THAP3: variants seen among roughly 807,000 people sequenced by gnomAD.
THAP3 encodes THAP domain containing 3, also known as THAP domain-containing protein 3.
In THAP3, 12 loss-of-function variants were observed where a neutral mutation model predicts 17.7. The ratio of observed to expected loss-of-function variants is 0.68; its 90% CI spans 0.43 to 1.10. THAP3 has a LOEUF of 1.10. THAP3 is among the 50% of genes least tolerant of loss of function. The probability of loss-of-function intolerance (pLI) is 0.00; values close to 1 mark genes in which losing one functional copy is unlikely to be tolerated. For synonymous variants in THAP3, 133 were observed against 126.9 expected, an observed-to-expected ratio of 1.05 and a Z score of -0.32; for missense variants, 289 against 318.0, an observed-to-expected ratio of 0.91 and a Z score of 0.69.
chr1:6,632,586 T>C (rs776433941), intron 5 of THAP3, 91 bp downstream of exon 5: 17 of 1,565,442 alleles, frequency 1.1e-5, no homozygotes, highest in Middle Eastern at 1.8e-4. Flanking sequence ...CCATGAGACC[T>C]GTGTGGCCGA....
intron 2 of THAP3, among the ~76,000 whole-genome samples, chr1:6,625,716 C>T (rs534473149): frequency 6.6e-6 from 1 of 150,516 alleles, no homozygotes; most frequent in East Asian, 2.0e-4. Context: ...CGGGAGGACG[C>T]TGGAGACTTT....
intron 3 of THAP3, among the ~76,000 whole-genome samples, chr1:6,630,064 T>G (rs560197371): frequency 2.0e-5 from 3 of 152,176 alleles, no homozygotes; most frequent in Non-Finnish European, 4.4e-5. Context: ...AGGGACCTAT[T>G]CAGGGCACTC....
intron 2 of THAP3, 122 bp downstream of exon 2, chr1:6,625,414 C>A: frequency 1.1e-6 from 1 of 903,490 alleles, no homozygotes; most frequent in Non-Finnish European, 1.5e-6. Context: ...CGGGGACAGG[C>A]CGAGGTCCTG....
rs760344159 is a variant in THAP3 at position 6,633,117 on chromosome 1, G to C, written c.*40G>C. 3.2e-6 allele frequency: 5 copies of C among 1,558,794 alleles called. No homozygotes were observed. Among genetic ancestry groups the C allele is most frequent in the Non-Finnish European group, 4.3e-6 (5 of 1,153,026 alleles). On this transcript the variant is annotated 3_prime_UTR_variant, in exon 6 of 6. Coordinates refer to ENST00000054650, the MANE Select transcript of THAP3 (RefSeq NM_001195753.2). ...GGACGCAGAGGTGGCAGTGGCACCA[G>C]GGCCGGCAGAGCTTTGGAGCTCTGG...
downstream of THAP3, chr1:6,634,942 C>G (rs1464441647): frequency 4.6e-6 from 5 of 1,086,968 alleles, no homozygotes; most frequent in Admixed American, 3.7e-5. Context: ...CAGGCCAGCT[C>G]AAGCCCGCTG....
downstream of THAP3, chr1:6,633,581 CATT>C (rs930218764): frequency 2.6e-5 from 28 of 1,063,916 alleles, no homozygotes; most frequent in Admixed American, 3.5e-4. Context: ...CTCCCATCAT[CATT>C]TTCTCTAGTG....
chr1:6,634,171 G>C (rs1641707116), downstream of THAP3: 6 of 1,321,240 alleles, frequency 4.5e-6, no homozygotes, highest in Non-Finnish European at 6.4e-6. Flanking sequence ...GCCAGCCTCT[G>C]CTTTCAGGAA....
At chr1:6,628,241 A>G in intron 2 of THAP3, 1 of 451,498 alleles carries the variant, frequency 2.2e-6, no homozygotes, top group East Asian at 4.2e-5. Context: ...GGCTCCTGGT[A>G]GGCTCCTGGC....
At chr1:6,632,673 G>C in intron 5 of THAP3, 123 bp from the exon 6 acceptor site, 1 of 1,452,298 alleles carries the variant, frequency 6.9e-7, no homozygotes. Flanking sequence ...TGGATTTTGG[G>C]GGAGCAGCCC....
rs1641427982 is a variant in THAP3 at position 6,625,191 on chromosome 1, T to G, written c.-28T>G. ...CAGGCCCCGCCGCCGCCGCCATCTT[T>G]GTTGGGGGCAGCCAGGCCTGGCTCG... On this transcript the variant is annotated 5_prime_UTR_variant, in exon 2 of 6. Transcript: ENST00000054650. 2.0e-6 allele frequency: 3 copies of G among 1,534,330 alleles called. No individual in the cohort carries two copies. The highest frequency in any genetic ancestry group is 1.2e-5 in the South Asian group (1 of 83,266).
intron 5 of THAP3, 126 bp from the exon 6 acceptor site, chr1:6,632,670 T>C: frequency 6.9e-7 from 1 of 1,449,600 alleles, no homozygotes; most frequent in African/African-American, 1.4e-5. Flanking sequence ...ATCTGGATTT[T>C]GGGGGAGCAG....
chr1:6,634,991 C>G (rs1053531443), downstream of THAP3: 2 of 678,566 alleles, frequency 2.9e-6, no homozygotes, highest in South Asian at 4.4e-5. Context: ...GGGAAGCCAC[C>G]TGTGTCAGGG....
intron 2 of THAP3, 26 bp from the exon 3 acceptor site, chr1:6,628,473 C>T (rs753120848): frequency 4.8e-5 from 76 of 1,586,066 alleles, no homozygotes; most frequent in Middle Eastern, 3.8e-4. Flanking sequence ...CTTGCTGGGC[C>T]TCACACCCCG....
At chr1:6,625,010 C>A (rs1641419656) in intron 1 of THAP3, 56 bp downstream of exon 1, 2 of 558,840 alleles carry the variant, frequency 3.6e-6, no homozygotes, top group Non-Finnish European at 6.2e-6. Context: ...TGAATTGGGG[C>A]CCGGAGCACC....
intron 4 of THAP3, among the ~76,000 whole-genome samples, chr1:6,631,297 G>A: frequency 6.6e-6 from 1 of 151,896 alleles, no homozygotes; most frequent in South Asian, 2.1e-4. Flanking sequence ...AATTATAGGC[G>A]GGAGCCACCG....
intron 4 of THAP3, 21 bp downstream of exon 4, chr1:6,630,374 A>G (rs370276804): frequency 1.3e-5 from 21 of 1,612,712 alleles, no homozygotes; most frequent in Non-Finnish European, 1.8e-5. Context: ...CGGGCCAGGT[A>G]CTTGAATGTT....
Position 6,625,262 on chromosome 1 carries a change from G to A in THAP3, c.44G>A (p.Ser15Asn). The A allele has an allele frequency of 6.5e-7, 1 of 1,545,236 alleles. No homozygotes were observed. Among genetic ancestry groups the A allele is most frequent in the South Asian group, 1.2e-5 (1 of 83,406 alleles). ...CAARQCCNRY[S>N]SRRKQLTFHR... is the part of the protein sequence containing the mutation. ...GCCCGGCAGTGCTGCAACCGCTACAGCAGCCGCAGGAAGCAGCTCACCTTC... is the reference window on the plus strand; with the variant it reads ...GCCCGGCAGTGCTGCAACCGCTACAACAGCCGCAGGAAGCAGCTCACCTTC... Residue 15 changes from serine (S) to asparagine (N), a missense_variant, in exon 2 of 6, where the codon AGC becomes AAC. Coordinates refer to ENST00000054650, the MANE Select transcript of THAP3 (RefSeq NM_001195753.2).
In THAP3 at chr1:6,632,942, T is replaced by C; in HGVS notation, c.585T>C (p.Thr195=). 6.2e-7 allele frequency: 1 copy of C among 1,612,850 alleles called. No individual in the cohort carries two copies. The highest frequency in any genetic ancestry group is 8.5e-7 in the Non-Finnish European group (1 of 1,179,878). ...LDSLKKKLFL[T]LKENEKLRKR... is the part of the protein sequence containing the mutation. ...CCCTGAAGAAAAAACTCTTCCTCAC[T>C]CTGAAGGAAAATGAAAAGCTCCGGA... Residue 195 remains threonine (T), a synonymous_variant, in exon 6 of 6, where the codon ACT becomes ACC. Coordinates refer to ENST00000054650, the MANE Select transcript of THAP3 (RefSeq NM_001195753.2).
chr1:6,633,696 G>T, downstream of THAP3: 1 of 657,032 alleles, frequency 1.5e-6, no homozygotes, highest in Non-Finnish European at 2.1e-6. Context: ...ATCACTTGAG[G>T]TCAGGAGTTC....
Sources: gnomAD v4.1 joint callset for allele counts (sites outside exome capture counted in the v4.1 genomes callset) on GRCh38, gnomAD v4.1.1 for gene constraint, MANE v1.5 for transcripts, NCBI Gene and HGNC (gene_info 2026-07-23, HGNC 2026-07-21) for gene names.